The following LRIG2 variants were observed in gnomAD, a reference collection of about 807,000 sequenced individuals.
LRIG2 encodes leucine rich repeats and immunoglobulin like domains 2.
A neutral mutation model predicts 107.8 loss-of-function variants in LRIG2; 93 were observed. The observed-to-expected ratio is 0.86, with a 90% CI of 0.73 to 1.03. The LOEUF is 1.03. Among genes scored for constraint, LRIG2 ranks in the 50% least tolerant of loss-of-function variants. LRIG2 has a pLI of 0.00. For missense variants in LRIG2, 1,226 were observed against 1,296.0 expected, an observed-to-expected ratio of 0.95 and a Z score of 0.83; for synonymous variants, 471 against 470.6, an observed-to-expected ratio of 1.00 and a Z score of -0.01.
intron 1 of LRIG2, among the ~76,000 whole-genome samples, chr1:113,079,560 G>A (rs1653158576): frequency 6.9e-6 from 1 of 144,890 alleles, no homozygotes; most frequent in Admixed American, 7.0e-5. Context: ...GCGGGCGCCT[G>A]TAATCCCAGT....
At chr1:113,099,236 G>GTTCTTTTCTT (rs1553228709) in intron 9 of LRIG2, among the ~76,000 whole-genome samples, 90 of 16,176 alleles carry the variant, frequency 5.6e-3, no homozygotes, top group Non-Finnish European at 7.5e-4. Flanking sequence ...AACTTGGCTG[G>GTTCTTTTCTT]TTTTTTTCTT....
Position 113,096,272 on chromosome 1 carries a change from G to A in LRIG2, c.998G>A (p.Gly333Asp). Residue 333 changes from glycine (G) to aspartate (D), a missense_variant, in exon 8 of 18, where the codon GGT becomes GAT. By Grantham distance (94) the Gly-to-Asp change is moderately conservative. Coordinates refer to ENST00000361127, the MANE Select transcript of LRIG2 (RefSeq NM_014813.3). ...LTRLDESAFV[G>D]LSLLERLNLG... ...CGCCTGGATGAATCTGCCTTTGTGG[G>A]TCTGAGCTTATTGGAGAGATTGAAT... The A allele has an allele frequency of 6.2e-7, 1 of 1,614,152 alleles. No individual in the cohort carries two copies. The highest frequency in any genetic ancestry group is 1.1e-5 in the South Asian group (1 of 91,090).
rs34131524 is a variant in LRIG2 at position 113,086,000 on chromosome 1, G to GTT, written c.240-5294_240-5293dup. Among the ~76,000 whole-genome samples the GTT allele has an allele frequency of 6.6e-3, 427 of 64,986 alleles. 1 individual carries two copies. The highest frequency in any genetic ancestry group is 0.012 in the African/African-American group (210 of 17,000). The allele number at this position is 64,986 out of a possible 152,430, so 42.6% of individuals were successfully genotyped here. ...AATTGATTATAATGGTAACCCTGAG[G>GTT]TTTTTTTTTTTTTTTTTTTTTTTTT... On this transcript the variant is annotated intron_variant, in intron 1 of 17. Coordinates refer to ENST00000361127, the MANE Select transcript of LRIG2 (RefSeq NM_014813.3).
chr1:113,091,585 G>A (rs531447203), intron 2 of LRIG2, among the ~76,000 whole-genome samples: 64 of 152,294 alleles, frequency 4.2e-4, no homozygotes, highest in African/African-American at 1.3e-3. Context: ...GTGATTTCAA[G>A]TTGCAGGCTG....
At chr1:113,109,668 G>A (rs1265198730) in intron 12 of LRIG2, among the ~76,000 whole-genome samples, 4 of 152,082 alleles carry the variant, frequency 2.6e-5, no homozygotes, top group South Asian at 4.2e-4. Flanking sequence ...ACAGGCGGCC[G>A]CCACCTCGCC....
intron 3 of LRIG2, 40 bp downstream of exon 3, chr1:113,093,320 A>G: frequency 6.4e-7 from 1 of 1,553,330 alleles, no homozygotes; most frequent in Non-Finnish European, 8.7e-7. Context: ...TTAAATTATG[A>G]AAAGTATACA....
rs751343949 is a variant in LRIG2, at chr1:113,107,576, CTCTTT to C, written c.1314-12_1314-8del. On this transcript the variant is annotated splice_polypyrimidine_tract_variant and intron_variant, in intron 11 of 17. Coordinates refer to ENST00000361127, the MANE Select transcript of LRIG2 (RefSeq NM_014813.3). ...AAAAGTAAAACAAAGGATGCTTTTC[CTCTTT>C]TCTTTCCTGCAGGATTCTGAACACA... 6.3e-6 allele frequency: 10 copies of C among 1,598,646 alleles called. No individual in the cohort carries two copies. In the Middle Eastern group the frequency reaches 8.3e-4, roughly 132 times the overall value.
At chr1:113,105,021 C>T (rs1376881608) in intron 11 of LRIG2, among the ~76,000 whole-genome samples, 1 of 152,032 alleles carries the variant, frequency 6.6e-6, no homozygotes, top group Non-Finnish European at 1.5e-5. Flanking sequence ...TGGCATGTGC[C>T]TGTAATCCCA....
chr1:113,099,581 C>T (rs1387567309), intron 9 of LRIG2, among the ~76,000 whole-genome samples: 1 of 151,896 alleles, frequency 6.6e-6, no homozygotes, highest in Non-Finnish European at 1.5e-5. Flanking sequence ...GTTGTCGGGG[C>T]ACTTTTTATT....
Position 113,131,746 on chromosome 1 carries a change from A to C in LRIG2, c.*7645A>C, listed in dbSNP as rs996274811. 5 of 152,062 alleles carry C rather than the reference A, an allele frequency of 3.3e-5. No individual in the cohort carries two copies. Among genetic ancestry groups the C allele is most frequent in the African/African-American group, 9.7e-5 (4 of 41,402 alleles). The allele number at this position is 152,062 out of a possible 1,614,324, so 9.4% of individuals were successfully genotyped here. Reference sequence around the variant, plus strand: ...AGAGATATGTTACAAGCTGCACTTAACACCACCTGAAAACCCAAGAATCAT... The same window carrying C: ...AGAGATATGTTACAAGCTGCACTTACCACCACCTGAAAACCCAAGAATCAT... On this transcript the variant is annotated 3_prime_UTR_variant, in exon 18 of 18. Transcript: ENST00000361127.
rs530610522 is a variant in LRIG2, at chr1:113,095,936, T to A, written c.866T>A (p.Leu289Ter). 1 of 1,614,188 alleles carries A rather than the reference T, an allele frequency of 6.2e-7. No individual in the cohort carries two copies. The highest frequency in any genetic ancestry group is 2.2e-5 in the East Asian group (1 of 44,874). ...GGGTGGTTGTATGGCTTGCGAATGT[T>A]ACAGCAGCTCTATGTGAGCCAGAAT... ...NKGWLYGLRMLQQLYVSQNAI... is the reference protein window; with the variant it reads ...NKGWLYGLRM The change falls in exon 7 of 18, where the codon TTA becomes TAA. Residue 289 changes from leucine to a stop codon, truncating the protein, a stop_gained. Transcript: ENST00000361127. LOFTEE classifies it high-confidence loss of function.
intron 14 of LRIG2, among the ~76,000 whole-genome samples, chr1:113,114,194 G>C (rs1654896662): frequency 6.6e-6 from 1 of 151,712 alleles, no homozygotes; most frequent in Non-Finnish European, 1.5e-5. Flanking sequence ...ACCCCCTCCA[G>C]CTATTGCAGC....
At chr1:113,092,145 G>A (rs1653856888) in intron 2 of LRIG2, among the ~76,000 whole-genome samples, 2 of 152,194 alleles carry the variant, frequency 1.3e-5, no homozygotes, top group South Asian at 4.1e-4. Flanking sequence ...GAAAGAGTAG[G>A]CACTGAGGAA....
Position 113,119,535 on chromosome 1 carries a change from A to T in LRIG2, c.2971+12A>T. On this transcript the variant is annotated intron_variant, in intron 17 of 17. Coordinates refer to ENST00000361127, the MANE Select transcript of LRIG2 (RefSeq NM_014813.3). ...ACAGATGAGCGGTGGTAAGGGATGT[A>T]TTTTTGTTGTTATTTTGTTTTTACT... 1 of 1,607,972 alleles carries T rather than the reference A, an allele frequency of 6.2e-7. No individual in the cohort carries two copies. Among genetic ancestry groups the T allele is most frequent in the South Asian group, 1.1e-5 (1 of 90,804 alleles).
chr1:113,091,233 T>A (rs1316137788), intron 1 of LRIG2, 85 bp from the exon 2 acceptor site: 9 of 920,736 alleles, frequency 9.8e-6, no homozygotes, highest in South Asian at 3.3e-5. Context: ...CAAGAGGACT[T>A]TTTGTATTTC....
intron 10 of LRIG2, 40 bp downstream of exon 10, chr1:113,100,322 T>C: frequency 6.6e-7 from 1 of 1,517,856 alleles, no homozygotes; most frequent in Non-Finnish European, 9.1e-7. Context: ...CTATAAATAA[T>C]CTTTGCTATT....
Position 113,126,485 on chromosome 1 carries a change from C to G in LRIG2, c.*2384C>G, listed in dbSNP as rs1473557483. 1 of 152,154 alleles carries G rather than the reference C, an allele frequency of 6.6e-6. No individual in the cohort carries two copies. The highest frequency in any genetic ancestry group is 1.5e-5 in the Non-Finnish European group (1 of 68,038). 9.4% of individuals were successfully genotyped at this position (152,154 alleles called of 1,614,324 possible). On this transcript the variant is annotated 3_prime_UTR_variant, in exon 18 of 18. Coordinates refer to ENST00000361127, the MANE Select transcript of LRIG2 (RefSeq NM_014813.3). ...GGATTTTCCACTTTCCTCTGTTTTC[C>G]CTATTTTCTCCCCTGGGAAATCTTG...
Position 113,094,407 on chromosome 1 carries a change from T to A in LRIG2, c.584T>A (p.Leu195Ter). 1 of 1,613,384 alleles carries A rather than the reference T, an allele frequency of 6.2e-7. No homozygotes were observed. The highest frequency in any genetic ancestry group is 8.5e-7 in the Non-Finnish European group (1 of 1,179,730). The part of the protein sequence containing the change: ...GCFDNLSSSL[L>*]VVKLNRNRMS... ...TTCGATAATTTATCAAGTTCCTTAT[T>A]AGTGGTAAAGTTAAACCGTAACCGA... Residue 195 changes from leucine to a stop codon, truncating the protein, a stop_gained, in exon 5 of 18, where the codon TTA becomes TAA. Transcript: ENST00000361127. LOFTEE classifies it high-confidence loss of function.
At chr1:113,086,413 ACC>A (rs1653555897) in intron 1 of LRIG2, among the ~76,000 whole-genome samples, 1 of 152,224 alleles carries the variant, frequency 6.6e-6, no homozygotes, top group Non-Finnish European at 1.5e-5. Context: ...GCACTGTCAT[ACC>A]CAAAATATTA....
Sources: gnomAD v4.1 joint callset for allele counts (sites outside exome capture counted in the v4.1 genomes callset) on GRCh38, gnomAD v4.1.1 for gene constraint, MANE v1.5 for transcripts, NCBI Gene and HGNC (gene_info 2026-07-23, HGNC 2026-07-21) for gene names.